TMPRSS15: variants seen among roughly 807,000 people sequenced by gnomAD.
TMPRSS15 encodes transmembrane serine protease 15.
In TMPRSS15, 128 loss-of-function variants were observed where a neutral mutation model predicts 125.3. The observed-to-expected ratio is 1.02, with a 90% CI of 0.89 to 1.18. The LOEUF is 1.18. Ranked by LOEUF, TMPRSS15 falls within the 50% of genes most tolerant of loss-of-function variation. TMPRSS15 has a pLI of 0.00. For missense variants in TMPRSS15, 1,283 were observed against 1,212.7 expected (o/e 1.06, Z -0.86); for synonymous variants, 446 against 423.2 (o/e 1.05, Z -0.66).
At chr21:18,282,792 T>C (rs1201480720) in intron 21 of TMPRSS15, among the ~76,000 whole-genome samples, 1 of 152,156 alleles carries the variant, frequency 6.6e-6, no homozygotes, top group East Asian at 1.9e-4. Flanking sequence ...GAGGTGACTT[T>C]AATTGGAGCT....
At chr21:18,432,779 C>T (rs2076218924) in intron 1 of TMPRSS15, among the ~76,000 whole-genome samples, 1 of 152,078 alleles carries the variant, frequency 6.6e-6, no homozygotes, top group East Asian at 1.9e-4. Flanking sequence ...TTTAAAGCCA[C>T]CAGCTTGTGG....
At chr21:18,477,723 T>C (rs1041278511) in intron 1 of TMPRSS15, 1 of 152,084 alleles carries the variant, frequency 6.6e-6, no homozygotes, top group Non-Finnish European at 1.5e-5. Context: ...AGAGAAAATA[T>C]AAAGTTTACT....
chr21:18,357,501 C>T (rs1389640548), intron 8 of TMPRSS15, among the ~76,000 whole-genome samples: 3 of 151,618 alleles, frequency 2.0e-5, no homozygotes, highest in African/African-American at 4.8e-5. Context: ...CTATATAATC[C>T]CACTTACCCT....
intron 23 of TMPRSS15, 44 bp downstream of exon 23, chr21:18,278,920 T>A: frequency 1.0e-6 from 1 of 986,302 alleles, no homozygotes; most frequent in Non-Finnish European, 1.5e-6. Context: ...TTTTCACCAG[T>A]AAGGTTTTTT....
chr21:18,391,641 C>T (rs1569052217), intron 3 of TMPRSS15, among the ~76,000 whole-genome samples: 1 of 152,214 alleles, frequency 6.6e-6, no homozygotes, highest in Non-Finnish European at 1.5e-5. Context: ...TTTCCAGGCA[C>T]ACGGTGTGAG....
upstream of TMPRSS15, among the ~76,000 whole-genome samples, chr21:18,407,504 T>C (rs1375956141): frequency 6.7e-6 from 1 of 149,298 alleles, no homozygotes; most frequent in African/African-American, 2.5e-5. Flanking sequence ...TGGAGTGCAG[T>C]GACATGATCT....
intron 6 of TMPRSS15, among the ~76,000 whole-genome samples, chr21:18,368,642 A>T (rs1414299808): frequency 6.6e-6 from 1 of 152,202 alleles, no homozygotes; most frequent in Admixed American, 6.5e-5. Flanking sequence ...ATTGTTTATC[A>T]TAGTATTTAG....
chr21:18,371,096 C>T (rs2075787656), intron 6 of TMPRSS15, among the ~76,000 whole-genome samples: 1 of 152,120 alleles, frequency 6.6e-6, no homozygotes, highest in African/African-American at 2.4e-5. Context: ...GGGATATTTT[C>T]TAAGACCTCC....
chr21:18,399,073 G>A (rs2076069981), intron 1 of TMPRSS15, among the ~76,000 whole-genome samples: 1 of 152,076 alleles, frequency 6.6e-6, no homozygotes. Context: ...ACTGATTTAT[G>A]TTTAAAATGA....
In TMPRSS15 at chr21:18,345,740, C is replaced by CAAAAAAAAAAAAAAAAAAAAAA. The variant is rs1235619873; in HGVS notation, c.1172-1702_1172-1681dup. ...TAGGCGACAGAGTGAGACTCCGTCTCAAAAAAAAAAAAAAAAAAAAAATCC... is the reference window on the plus strand; with the variant it reads ...TAGGCGACAGAGTGAGACTCCGTCTCAAAAAAAAAAAAAAAAAAAAAAAAAAAAAAAAAAAAAAAAAAAATCC... On this transcript the variant is annotated intron_variant, in intron 10 of 24. Transcript: ENST00000284885. Among the ~76,000 whole-genome samples the CAAAAAAAAAAAAAAAAAAAAAA allele has an allele frequency of 7.7e-4, 12 of 15,560 alleles. 1 individual carries two copies. The highest frequency in any genetic ancestry group is 1.5e-3 in the African/African-American group (9 of 6,152). The allele number at this position is 15,560 out of a possible 152,430, so 10.2% of individuals were successfully genotyped here. A position where few individuals can be genotyped will look rare whatever the true frequency, so the allele number is the denominator to read the frequency against.
At chr21:18,466,388 A>T (rs182955180) in intron 1 of TMPRSS15, among the ~76,000 whole-genome samples, 1 of 152,078 alleles carries the variant, frequency 6.6e-6, no homozygotes, top group Non-Finnish European at 1.5e-5. Flanking sequence ...AAAGCAATGG[A>T]AACAAAAGCC....
chr21:18,359,019 C>T (rs918103905), intron 8 of TMPRSS15, among the ~76,000 whole-genome samples: 47 of 152,128 alleles, frequency 3.1e-4, no homozygotes, highest in Admixed American at 1.1e-3. Flanking sequence ...CTCCAACATG[C>T]GAGGAAAACT....
chr21:18,433,695 CAT>C (rs1248326015), intron 1 of TMPRSS15, among the ~76,000 whole-genome samples: 1 of 105,270 alleles, frequency 9.5e-6, no homozygotes, highest in East Asian at 3.5e-4. Flanking sequence ...AAGAAAATAA[CAT>C]AGTTTGAGGA....
chr21:18,385,405 T>C (rs1601421935), intron 3 of TMPRSS15, among the ~76,000 whole-genome samples: 1 of 152,278 alleles, frequency 6.6e-6, no homozygotes, highest in Non-Finnish European at 1.5e-5. Context: ...CTTTAACCAT[T>C]CTTTATACCA....
At chr21:18,432,158 G>A (rs2076217465) in intron 1 of TMPRSS15, among the ~76,000 whole-genome samples, 1 of 151,992 alleles carries the variant, frequency 6.6e-6, no homozygotes, top group Non-Finnish European at 1.5e-5. Flanking sequence ...TTGGGTTTCT[G>A]GATTATCATT....
chr21:18,409,860 C>T (rs2076161026), intron 1 of TMPRSS15, among the ~76,000 whole-genome samples: 1 of 89,892 alleles, frequency 1.1e-5, no homozygotes, highest in Non-Finnish European at 2.1e-5. Context: ...TTCCTTCCTT[C>T]CCTCCCTCCC....
At chr21:18,275,456 T>C in intron 23 of TMPRSS15, 120 bp from the exon 24 acceptor site, 1 of 1,226,608 alleles carries the variant, frequency 8.2e-7, no homozygotes, top group Non-Finnish European at 1.2e-6. Flanking sequence ...ACTGTGTATA[T>C]ATAATGGAAC....
chr21:18,483,084 A>G (rs777605532), intron 1 of TMPRSS15, among the ~76,000 whole-genome samples: 4 of 151,896 alleles, frequency 2.6e-5, no homozygotes, highest in Non-Finnish European at 4.4e-5. Flanking sequence ...ATTTAATCAT[A>G]GAAATTCCAG....
At chr21:18,359,438 G>C (rs571865519) in intron 8 of TMPRSS15, among the ~76,000 whole-genome samples, 23 of 152,052 alleles carry the variant, frequency 1.5e-4, no homozygotes, top group Non-Finnish European at 2.9e-4. Context: ...TTCAGGGATT[G>C]TGTGAATTTG....
Sources: allele counts gnomAD v4.1 joint callset (sites outside exome capture counted in the v4.1 genomes callset), GRCh38; gene constraint gnomAD v4.1.1; transcripts MANE v1.5; gene names NCBI Gene and HGNC (gene_info 2026-07-23, HGNC 2026-07-21).